The following PTCHD4 variants were observed in gnomAD, a reference collection of about 807,000 sequenced individuals.
The protein encoded by PTCHD4 is patched domain containing 4, also known as patched domain-containing protein 4.
PTCHD4 carries 33 observed loss-of-function variants against 58.1 expected under a neutral mutation model. That is an observed-to-expected ratio of 0.57 (90% CI 0.43 to 0.76). The LOEUF is 0.76. Among genes scored for constraint, PTCHD4 ranks in the 30% least tolerant of loss-of-function variants. The pLI is 0.00. For missense variants in PTCHD4, 1,058 were observed against 1,027.1 expected (o/e 1.03, Z -0.41); for synonymous variants, 478 against 409.6 (o/e 1.17, Z -2.02).
chr6:47,910,191 T>C (rs1258592194), intron 4 of PTCHD4, among the ~76,000 whole-genome samples: 2 of 152,124 alleles, frequency 1.3e-5, no homozygotes, highest in East Asian at 3.9e-4. Flanking sequence ...TATTTTGGTG[T>C]TTTGTTTTTA....
intron 4 of PTCHD4, among the ~76,000 whole-genome samples, chr6:47,944,235 T>G (rs920667009): frequency 1.1e-4 from 16 of 152,228 alleles, no homozygotes; most frequent in African/African-American, 3.4e-4. Flanking sequence ...GAGACTAACC[T>G]GCCTACAATT....
rs967202928 is a variant in PTCHD4 at position 47,871,886 on chromosome 6, T to C, written c.*6417A>G. Reference sequence around the variant, plus strand: ...TTAAACTACTAAAACTTTGGGATATTTGCATTGACTAGTTTAAGGTCTAGT... The same window carrying C: ...TTAAACTACTAAAACTTTGGGATATCTGCATTGACTAGTTTAAGGTCTAGT... On this transcript the variant is annotated 3_prime_UTR_variant, in exon 5 of 5. Transcript: ENST00000339488. Among the ~76,000 whole-genome samples the C allele has an allele frequency of 2.1e-4, 32 of 151,656 alleles. No individual in the cohort carries two copies. The highest frequency in any genetic ancestry group is 3.8e-4 in the Non-Finnish European group (26 of 67,736).
In PTCHD4 at chr6:48,068,296, G is replaced by T. The variant is rs751799002; in HGVS notation, c.351C>A (p.Thr117=). The T allele has an allele frequency of 2.5e-6, 4 of 1,611,666 alleles. No homozygotes were observed. Among genetic ancestry groups the T allele is most frequent in the South Asian group, 2.2e-5 (2 of 90,982 alleles). The change falls in exon 3 of 5, where the codon ACC becomes ACA. Residue 117 remains threonine (T), a synonymous_variant. Coordinates refer to ENST00000339488, the MANE Select transcript of PTCHD4 (RefSeq NM_001384253.1). The surrounding 1 kb of genome is among the most constrained non-coding windows in gnomAD (Gnocchi z 4.2). ...CAGCCTGGAGCAAAATATTGTCCCC[G>T]GTTGGGGAGAGGAGGATCACCCTGC... ...RYGRVILLSP[T]GDNILLQAEG...
rs1246326117 is a variant in PTCHD4, at chr6:48,042,980, G to T, written c.417+25250C>A. ...TTCTGATGAATCTTTGTGATCTTGG[G>T]TCTAGTCCCCAGCTAATGTATCAAA... On this transcript the variant is annotated intron_variant, in intron 3 of 4. Coordinates refer to ENST00000339488, the MANE Select transcript of PTCHD4 (RefSeq NM_001384253.1). Among the ~76,000 whole-genome samples the T allele has an allele frequency of 4.0e-5, 6 of 151,798 alleles. No homozygotes were observed. The East Asian group carries it at 7.7e-4, about 20-fold the overall frequency.
At chr6:47,927,619 T>C (rs1417111966) in intron 4 of PTCHD4, among the ~76,000 whole-genome samples, 1 of 152,130 alleles carries the variant, frequency 6.6e-6, no homozygotes, top group Non-Finnish European at 1.5e-5. Flanking sequence ...GAGGTCTAAT[T>C]CTCTCTCTAA....
intron 4 of PTCHD4, among the ~76,000 whole-genome samples, chr6:47,961,755 TG>T (rs1266805368): frequency 6.6e-6 from 1 of 152,160 alleles, no homozygotes; most frequent in Non-Finnish European, 1.5e-5. Context: ...CCAAAATGTG[TG>T]CCACTAAAAG....
chr6:47,920,282 G>A (rs1413583531), intron 4 of PTCHD4, among the ~76,000 whole-genome samples: 1 of 152,050 alleles, frequency 6.6e-6, no homozygotes, highest in East Asian at 1.9e-4. Context: ...GATGGAGCTA[G>A]CAAAGGCAGA....
intron 3 of PTCHD4, among the ~76,000 whole-genome samples, chr6:48,034,772 A>G (rs1763570435): frequency 6.6e-6 from 1 of 152,138 alleles, no homozygotes; most frequent in African/African-American, 2.4e-5. Flanking sequence ...TTTGCAGCCA[A>G]TGAAAATTTT....
At position 47,879,195 on chromosome 6, in the gene PTCHD4, C is replaced by G. The variant is rs267601056; in HGVS notation, c.1640G>C (p.Trp547Ser). 1.2e-6 allele frequency: 2 copies of G among 1,612,602 alleles called. No individual in the cohort carries two copies. Among genetic ancestry groups the G allele is most frequent in the Admixed American group, 1.7e-5 (1 of 59,912 alleles). ...CAGGAACTGGTAGTACTGCTCCACC[C>G]AGGACACTGCAGTGAATCCACTACA... ...RLCSGFTAVS[W>S]VEQYYQFLKV... The change falls in exon 5 of 5, where the codon TGG becomes TCG. Residue 547 changes from tryptophan (W) to serine (S), a missense_variant. Trp to Ser is a radical substitution (Grantham distance 177, BLOSUM62 -3). Coordinates refer to ENST00000339488, the MANE Select transcript of PTCHD4 (RefSeq NM_001384253.1).
chr6:48,071,336 A>G (rs1283782767), intron 1 of PTCHD4, among the ~76,000 whole-genome samples: 1 of 152,244 alleles, frequency 6.6e-6, no homozygotes, highest in Non-Finnish European at 1.5e-5. Context: ...CATAAATGTA[A>G]ATCATGTTGT....
intron 4 of PTCHD4, among the ~76,000 whole-genome samples, chr6:47,911,694 A>C (rs1392406481): frequency 2.0e-5 from 3 of 152,120 alleles, no homozygotes; most frequent in Non-Finnish European, 4.4e-5. Context: ...TATTTTGCAC[A>C]TGTTAAATTT....
chr6:48,028,075 G>A (rs772734879), intron 3 of PTCHD4, among the ~76,000 whole-genome samples: 18 of 152,032 alleles, frequency 1.2e-4, no homozygotes, highest in Non-Finnish European at 2.1e-4. Flanking sequence ...CCCAGTAGCT[G>A]AGATTACAGA....
At chr6:47,985,682 A>G (rs1279294405) in intron 4 of PTCHD4, among the ~76,000 whole-genome samples, 1 of 151,648 alleles carries the variant, frequency 6.6e-6, no homozygotes, top group African/African-American at 2.4e-5. Flanking sequence ...GCCATGCCCT[A>G]TTTTTCACTG....
intron 1 of PTCHD4, among the ~76,000 whole-genome samples, chr6:48,093,237 T>C (rs1765401281): frequency 6.6e-6 from 1 of 152,156 alleles, no homozygotes; most frequent in South Asian, 2.1e-4. Context: ...TCAGAGATCA[T>C]CTACTTCAAA....
intron 3 of PTCHD4, 120 bp from the exon 4 acceptor site, chr6:48,009,234 T>C: frequency 1.8e-6 from 2 of 1,093,092 alleles, no homozygotes; most frequent in Non-Finnish European, 2.5e-6. Context: ...GTGAAACTGA[T>C]GTGGGTGGAG....
At chr6:47,996,428 T>C (rs1208834264) in intron 4 of PTCHD4, among the ~76,000 whole-genome samples, 4 of 74,736 alleles carry the variant, frequency 5.4e-5, no homozygotes, top group Non-Finnish European at 1.2e-4. Flanking sequence ...TGAGCCAACA[T>C]TGCAGCACTG....
rs1172485278 is a variant in PTCHD4, at chr6:47,875,758, G to A, written c.*2545C>T. On this transcript the variant is annotated 3_prime_UTR_variant, in exon 5 of 5. Coordinates refer to ENST00000339488, the MANE Select transcript of PTCHD4 (RefSeq NM_001384253.1). ...AGATCTGCCCTGGTCATTTGGCAGTGTATACCATTTCCTCCATGTGCTTTT... is the reference window on the plus strand; with the variant it reads ...AGATCTGCCCTGGTCATTTGGCAGTATATACCATTTCCTCCATGTGCTTTT... 1.3e-5 allele frequency among the ~76,000 whole-genome samples: 2 copies of A among 151,780 alleles called. No homozygotes were observed. Among genetic ancestry groups the A allele is most frequent in the African/African-American group, 2.4e-5 (1 of 41,362 alleles).
At chr6:47,994,575 T>C (rs953489467) in intron 4 of PTCHD4, among the ~76,000 whole-genome samples, 1 of 152,176 alleles carries the variant, frequency 6.6e-6, no homozygotes, top group African/African-American at 2.4e-5. Context: ...GAACAAAGAA[T>C]ATTTGAATCT....
intron 3 of PTCHD4, among the ~76,000 whole-genome samples, chr6:48,031,943 C>A (rs774376342): frequency 6.6e-5 from 10 of 152,066 alleles, no homozygotes; most frequent in Non-Finnish European, 1.3e-4. Flanking sequence ...ACTGAATTCC[C>A]TCCAGTCAAG....
Sources: allele counts gnomAD v4.1 joint callset (sites outside exome capture counted in the v4.1 genomes callset), GRCh38; gene constraint gnomAD v4.1.1; non-coding constraint Gnocchi (gnomAD v3.1); transcripts MANE v1.5; gene names NCBI Gene and HGNC (gene_info 2026-07-23, HGNC 2026-07-21).